Variants in ARID4B observed in about 807,000 individuals in gnomAD.
ARID4B encodes AT-rich interaction domain 4B, also known as AT-rich interactive domain-containing protein 4B.
A neutral mutation model predicts 147.5 loss-of-function variants in ARID4B; 26 were observed. The observed-to-expected ratio is 0.18, with a 90% CI of 0.13 to 0.24. The LOEUF (loss-of-function observed/expected upper bound fraction) is 0.24, where lower values mean the gene tolerates loss of function less well. Among genes scored for constraint, ARID4B ranks in the 10% least tolerant of loss-of-function variants. The probability of loss-of-function intolerance (pLI) is 1.00; values close to 1 mark genes in which losing one functional copy is unlikely to be tolerated. For missense variants in ARID4B, 1,179 were observed against 1,511.5 expected (o/e 0.78, Z 3.65); for synonymous variants, 512 against 507.9 (o/e 1.01, Z -0.11).
intron 19 of ARID4B, among the ~76,000 whole-genome samples, chr1:235,186,015 G>A (rs905453018): frequency 9.2e-5 from 14 of 151,388 alleles, no homozygotes; most frequent in African/African-American, 3.4e-4. Context: ...CTGTCATCAG[G>A]TTGGAGTGCA....
chr1:235,246,581 T>C, intron 6 of ARID4B, 70 bp from the exon 7 acceptor site: 1 of 1,083,300 alleles, frequency 9.2e-7, no homozygotes, highest in South Asian at 1.4e-5. Flanking sequence ...TTAAACCAAA[T>C]CAATTTAAGA....
intron 14 of ARID4B, among the ~76,000 whole-genome samples, chr1:235,220,890 G>T (rs78887374): frequency 6.7e-6 from 1 of 148,972 alleles, no homozygotes; most frequent in Non-Finnish European, 1.5e-5. Context: ...TCCTTTTTTT[G>T]TTTTTTTTTG....
chr1:235,206,196 T>C (rs1406780133), intron 17 of ARID4B, among the ~76,000 whole-genome samples: 1 of 152,168 alleles, frequency 6.6e-6, no homozygotes, highest in Non-Finnish European at 1.5e-5. Context: ...GTAAGGGATA[T>C]TAGGAGAATA....
At position 235,257,746 on chromosome 1, in the gene ARID4B, G is replaced by C. The variant is rs542842518; in HGVS notation, c.118-521C>G. Among the ~76,000 whole-genome samples the C allele has an allele frequency of 1.3e-5, 2 of 152,208 alleles. 1 individual carries two copies. The highest frequency in any genetic ancestry group is 4.1e-4 in the South Asian group (2 of 4,824). On this transcript the variant is annotated intron_variant, in intron 3 of 23. Transcript: ENST00000264183. ...TCCGCCCGCCTTGACCTACCAGAGT[G>C]CTGGGATTACAGGTGTGAGTCACCA...
intron 11 of ARID4B, among the ~76,000 whole-genome samples, chr1:235,227,713 T>C (rs1667914461): frequency 6.6e-6 from 1 of 152,150 alleles, no homozygotes; most frequent in African/African-American, 2.4e-5. Context: ...TTTGAGCTCT[T>C]TGAGCCATAT....
intron 17 of ARID4B, among the ~76,000 whole-genome samples, chr1:235,201,490 A>AT (rs942794771): frequency 5.3e-5 from 8 of 151,994 alleles, no homozygotes; most frequent in Non-Finnish European, 1.0e-4. Flanking sequence ...CACCTGGATA[A>AT]TTTTTTTATA....
At chr1:235,235,983 T>C (rs1030899100) in intron 8 of ARID4B, among the ~76,000 whole-genome samples, 1 of 151,366 alleles carries the variant, frequency 6.6e-6, no homozygotes, top group Non-Finnish European at 1.5e-5. Context: ...CTCTGTGCAG[T>C]GGCGTGATCA....
intron 2 of ARID4B, among the ~76,000 whole-genome samples, chr1:235,269,774 G>A (rs1300374903): frequency 6.6e-6 from 1 of 152,064 alleles, no homozygotes; most frequent in East Asian, 1.9e-4. Flanking sequence ...GGCCAGTCTG[G>A]TGAAGGAGAT....
intron 2 of ARID4B, among the ~76,000 whole-genome samples, chr1:235,280,480 T>C (rs1431973399): frequency 2.0e-5 from 3 of 152,122 alleles, no homozygotes; most frequent in Non-Finnish European, 2.9e-5. Context: ...CGCAAAGAAA[T>C]AGTCATGATC....
At chr1:235,298,478 T>C (rs1038104398) in intron 2 of ARID4B, among the ~76,000 whole-genome samples, 1 of 149,100 alleles carries the variant, frequency 6.7e-6, no homozygotes, top group Non-Finnish European at 1.5e-5. Context: ...TATATATGAA[T>C]ATAACGTATA....
intron 17 of ARID4B, among the ~76,000 whole-genome samples, chr1:235,201,272 G>A (rs190694183): frequency 3.0e-4 from 46 of 152,166 alleles, no homozygotes; most frequent in African/African-American, 7.2e-4. Context: ...GGGGTACCAC[G>A]TCAAGTAAGA....
At chr1:235,175,940 C>T (rs1663837394) in intron 21 of ARID4B, among the ~76,000 whole-genome samples, 1 of 152,098 alleles carries the variant, frequency 6.6e-6, no homozygotes, top group Non-Finnish European at 1.5e-5. Context: ...CAGTTTCACC[C>T]TAATAAAATA....
At chr1:235,295,871 C>G (rs995590667) in intron 2 of ARID4B, 3 of 152,478 alleles carry the variant, frequency 2.0e-5, no homozygotes, top group Admixed American at 2.0e-4. Context: ...AAGAAGGCAT[C>G]ACAGGCAAAG....
At chr1:235,233,463 T>C (rs1668366465) in intron 9 of ARID4B, among the ~76,000 whole-genome samples, 2 of 151,700 alleles carry the variant, frequency 1.3e-5, no homozygotes, top group Admixed American at 1.3e-4. Flanking sequence ...ATAAAATAAT[T>C]AAAAATAAAA....
intron 5 of ARID4B, among the ~76,000 whole-genome samples, chr1:235,255,285 C>CTCTA (rs1186256849): frequency 1.0e-5 from 1 of 97,124 alleles, no homozygotes. Flanking sequence ...CTCTCTCTCT[C>CTCTA]TCTATATATA....
chr1:235,281,112 A>ATGTATAGTTGCTTTATGCTCTATG (rs371993746), intron 2 of ARID4B, among the ~76,000 whole-genome samples: 4,501 of 152,216 alleles, frequency 0.03, 219 homozygotes, highest in African/African-American at 0.1. Flanking sequence ...GGACAACTCT[A>ATGTATAGTTGCTTTATGCTCTATG]TACAGCATGC....
At chr1:235,263,129 A>G (rs1183343024) in intron 2 of ARID4B, among the ~76,000 whole-genome samples, 1 of 152,232 alleles carries the variant, frequency 6.6e-6, no homozygotes, top group Non-Finnish European at 1.5e-5. Context: ...CTATTAACAC[A>G]TTCTGCCATA....
chr1:235,203,060 A>AATAC (rs1284181074), intron 17 of ARID4B, among the ~76,000 whole-genome samples: 5 of 152,232 alleles, frequency 3.3e-5, no homozygotes, highest in African/African-American at 1.2e-4. Context: ...ACAAATTGTG[A>AATAC]ATACAAACGT....
intron 2 of ARID4B, among the ~76,000 whole-genome samples, chr1:235,326,269 A>T (rs184234267): frequency 6.6e-6 from 1 of 152,158 alleles, no homozygotes; most frequent in Non-Finnish European, 1.5e-5. Context: ...TTCTCCACTC[A>T]GTTAACATAT....
Sources: allele counts gnomAD v4.1 joint callset (sites outside exome capture counted in the v4.1 genomes callset), GRCh38; gene constraint gnomAD v4.1.1; transcripts MANE v1.5; gene names NCBI Gene and HGNC (gene_info 2026-07-23, HGNC 2026-07-21).